Variants in CFAP263 observed in about 807,000 individuals in gnomAD.
CFAP263 encodes the protein cilia- and flagella-associated protein 263.
chr16:58,267,574 A>G, the CFAP263 span: 18 of 1,605,894 alleles, frequency 1.1e-5, no homozygotes, highest in Non-Finnish European at 1.4e-5. Flanking sequence ...AAGAAACACT[A>G]CAAGTAGAGG....
At chr16:58,273,894 G>A in the CFAP263 span, among the ~76,000 whole-genome samples, 1 of 152,200 alleles carries the variant, frequency 6.6e-6, no homozygotes, top group African/African-American at 2.4e-5. Flanking sequence ...TTCCCCTGCT[G>A]TTAGTACTCT....
chr16:58,266,230 C>T, the CFAP263 span, among the ~76,000 whole-genome samples: 15 of 151,698 alleles, frequency 9.9e-5, no homozygotes, highest in African/African-American at 2.9e-4. Flanking sequence ...CTCCTGCCTT[C>T]ACTTTGACTG....
chr16:58,276,306 G>A, the CFAP263 span, among the ~76,000 whole-genome samples: 1 of 152,172 alleles, frequency 6.6e-6, no homozygotes, highest in East Asian at 1.9e-4. Flanking sequence ...AGAGAATGAG[G>A]GAAAACCGGC....
the CFAP263 span, chr16:58,249,975 C>G: frequency 1.4e-6 from 2 of 1,394,890 alleles, no homozygotes; most frequent in Non-Finnish European, 2.0e-6. Flanking sequence ...CCCGGAGCTC[C>G]TGGGCACACG....
At chr16:58,277,764 C>A in the CFAP263 span, among the ~76,000 whole-genome samples, 1 of 152,152 alleles carries the variant, frequency 6.6e-6, no homozygotes, top group Admixed American at 6.5e-5. Context: ...GACATTCTGA[C>A]ACATACTACC....
At chr16:58,254,119 A>C in the CFAP263 span, 1 of 1,614,244 alleles carries the variant, frequency 6.2e-7, no homozygotes, top group South Asian at 1.1e-5. Context: ...GACTTACGAC[A>C]CACAAGGGCA....
chr16:58,259,162 T>C, the CFAP263 span, among the ~76,000 whole-genome samples: 1 of 152,186 alleles, frequency 6.6e-6, no homozygotes. Context: ...GAGACTGGTC[T>C]GGTCCAGCCT....
the CFAP263 span, among the ~76,000 whole-genome samples, chr16:58,253,147 G>T: frequency 3.5e-4 from 54 of 152,300 alleles, no homozygotes; most frequent in Non-Finnish European, 6.5e-4. Flanking sequence ...GGAGGCTAAG[G>T]TGGGAGGATC....
At chr16:58,257,370 T>C in the CFAP263 span, among the ~76,000 whole-genome samples, 1 of 152,184 alleles carries the variant, frequency 6.6e-6, no homozygotes, top group African/African-American at 2.4e-5. Context: ...TAAACTGTAT[T>C]TTTCACTTAA....
chr16:58,273,090 C>T, the CFAP263 span, among the ~76,000 whole-genome samples: 1 of 151,866 alleles, frequency 6.6e-6, no homozygotes. Context: ...GAATTGTTTT[C>T]TCTTGCTGTT....
chr16:58,275,139 A>G, the CFAP263 span, among the ~76,000 whole-genome samples: 51 of 152,180 alleles, frequency 3.4e-4, no homozygotes, highest in Admixed American at 3.3e-3. Context: ...TTGCATTCTG[A>G]AAACAAGTTA....
the CFAP263 span, among the ~76,000 whole-genome samples, chr16:58,273,821 T>C: frequency 6.6e-6 from 1 of 152,210 alleles, no homozygotes; most frequent in South Asian, 2.1e-4. Context: ...CTTGGGCTTG[T>C]CATTGTTTTT....
At chr16:58,265,778 T>C in the CFAP263 span, among the ~76,000 whole-genome samples, 1 of 152,200 alleles carries the variant, frequency 6.6e-6, no homozygotes, top group Non-Finnish European at 1.5e-5. Flanking sequence ...AGAAGTGGCC[T>C]CCTCAAGGGA....
chr16:58,275,798 T>A, the CFAP263 span, among the ~76,000 whole-genome samples: 1 of 152,116 alleles, frequency 6.6e-6, no homozygotes, highest in African/African-American at 2.4e-5. Flanking sequence ...AAGGAAAAAA[T>A]TAAGTTGGAA....
At chr16:58,257,685 T>C in the CFAP263 span, among the ~76,000 whole-genome samples, 1 of 151,686 alleles carries the variant, frequency 6.6e-6, no homozygotes, top group African/African-American at 2.4e-5. Flanking sequence ...AACAGAAATA[T>C]AATAAGAGTG....
chr16:58,279,559 C>G, the CFAP263 span: 1 of 693,284 alleles, frequency 1.4e-6, no homozygotes, highest in Non-Finnish European at 2.4e-6. Context: ...CTGCCCCACA[C>G]AGGGTTGCCT....
At chr16:58,264,744 G>T in the CFAP263 span, among the ~76,000 whole-genome samples, 1 of 152,190 alleles carries the variant, frequency 6.6e-6, no homozygotes, top group Non-Finnish European at 1.5e-5. Context: ...GAGGGTGACA[G>T]GAGGGGCCAC....
the CFAP263 span, chr16:58,254,115 C>A: frequency 5.0e-6 from 8 of 1,614,076 alleles, no homozygotes; most frequent in Non-Finnish European, 6.8e-6. Context: ...GGATGACTTA[C>A]GACACACAAG....
At chr16:58,260,027 A>G in the CFAP263 span, 1 of 742,094 alleles carries the variant, frequency 1.3e-6, no homozygotes, top group Non-Finnish European at 2.3e-6. Context: ...AAATATCCAT[A>G]TCCTAAACCC....
Sources: allele counts gnomAD v4.1 joint callset (sites outside exome capture counted in the v4.1 genomes callset), GRCh38; gene constraint gnomAD v4.1.1; transcripts MANE v1.5; gene names NCBI Gene and HGNC (gene_info 2026-07-23, HGNC 2026-07-21).